Variants in NOL4 observed in about 807,000 individuals in gnomAD.
The protein encoded by NOL4 is nucleolar protein 4.
A neutral mutation model predicts 75.9 loss-of-function variants in NOL4; 17 were observed. The ratio of observed to expected loss-of-function variants is 0.22; its 90% CI spans 0.15 to 0.34. The LOEUF (loss-of-function observed/expected upper bound fraction) is 0.34, where lower values mean the gene tolerates loss of function less well. NOL4 is among the 10% of genes least tolerant of loss of function. NOL4 has a pLI of 1.00. For missense variants in NOL4, 614 were observed against 793.5 expected (o/e 0.77, Z 2.72); for synonymous variants, 292 against 289.9 (o/e 1.01, Z -0.07).
chr18:33,887,080 A>G (rs1301053000), intron 9 of NOL4, among the ~76,000 whole-genome samples: 4 of 140,452 alleles, frequency 2.8e-5, no homozygotes, highest in Non-Finnish European at 6.1e-5. Context: ...ATATATATCT[A>G]TATATATTAG....
intron 1 of NOL4, among the ~76,000 whole-genome samples, chr18:34,188,705 GA>G (rs1169853138): frequency 6.6e-6 from 1 of 152,114 alleles, no homozygotes; most frequent in Non-Finnish European, 1.5e-5. Flanking sequence ...ACTAAACCAG[GA>G]AAAGATCAAT....
At chr18:33,858,919 G>A (rs1195999567) in intron 10 of NOL4, among the ~76,000 whole-genome samples, 6 of 151,836 alleles carry the variant, frequency 4.0e-5, no homozygotes, top group Non-Finnish European at 1.5e-5. Context: ...GTAAAACATG[G>A]TCTAATATCT....
intron 5 of NOL4, among the ~76,000 whole-genome samples, chr18:34,077,605 C>G (rs1600503323): frequency 1.3e-5 from 2 of 151,898 alleles, no homozygotes; most frequent in East Asian, 3.9e-4. Context: ...GCAAGGACAA[C>G]AAAACAAACT....
At chr18:34,204,783 T>TA (rs768094423) in intron 1 of NOL4, among the ~76,000 whole-genome samples, 218 of 151,832 alleles carry the variant, frequency 1.4e-3, no homozygotes, top group Non-Finnish European at 9.7e-4. Context: ...CAATACTAAG[T>TA]AAAAAAGGAA....
At chr18:34,078,361 C>T (rs2077841437) in intron 5 of NOL4, among the ~76,000 whole-genome samples, 1 of 152,038 alleles carries the variant, frequency 6.6e-6, no homozygotes, top group African/African-American at 2.4e-5. Flanking sequence ...TGACTTTTCA[C>T]CTTTATTAGT....
chr18:34,034,779 G>C lies in NOL4; in HGVS notation c.773-15178C>G, dbSNP rs192402972. On this transcript the variant is annotated intron_variant, in intron 5 of 10. Coordinates refer to ENST00000261592, the MANE Select transcript of NOL4 (RefSeq NM_003787.5). ...AAAAGCAACAATAAACAATCCCAAA[G>C]TGAGCAGGAATAGCTATATTTACAT... 2.3e-3 allele frequency among the ~76,000 whole-genome samples: 317 copies of C among 140,272 alleles called. 6 individuals are homozygous for C. Among genetic ancestry groups the C allele is most frequent in the African/African-American group, 8.0e-3 (295 of 37,106 alleles). The allele number at this position is 140,272 out of a possible 152,430, so 92.0% of individuals were successfully genotyped here. A position where few individuals can be genotyped will look rare whatever the true frequency, so the allele number is the denominator to read the frequency against.
At chr18:33,964,993 G>A (rs2070461720) in intron 6 of NOL4, among the ~76,000 whole-genome samples, 1 of 152,106 alleles carries the variant, frequency 6.6e-6, no homozygotes. Context: ...CCCAAAGCAA[G>A]AGACATTTTT....
intron 1 of NOL4, among the ~76,000 whole-genome samples, chr18:34,167,894 GACT>G (rs1199742273): frequency 2.0e-5 from 3 of 151,980 alleles, no homozygotes; most frequent in African/African-American, 7.2e-5. Context: ...ATATAAAAAT[GACT>G]ACATTTTCGA....
rs748692663 is a variant in NOL4 at position 34,130,014 on chromosome 18, C to A, written c.271G>T (p.Val91Leu). 6.4e-7 allele frequency: 1 copy of A among 1,558,088 alleles called. No homozygotes were observed. The stretch of plus-strand genomic sequence containing the variant: ...AAAGATAGCTTCTCATCTACCCCTA[C>A]GCCATCCTGGAAACAAAACAACAAC... ...LYVPVKTTDG[V>L]GVDEKLSLRR... Residue 91 changes from valine to leucine, a missense_variant, in exon 2 of 11, where the codon GTA (valine) becomes TTA (leucine). Physicochemically the swap from Val to Leu is conservative, Grantham distance 32. This residue lies in a region of NOL4 where 49 missense variants were observed against 39.6 expected (regional missense o/e 1.24). Transcript: ENST00000261592.
At chr18:34,214,328 A>G (rs757785518) in intron 1 of NOL4, among the ~76,000 whole-genome samples, 16 of 152,152 alleles carry the variant, frequency 1.1e-4, no homozygotes, top group Non-Finnish European at 2.1e-4. Context: ...TAATGGGTTA[A>G]GTATTGGTAG....
At chr18:34,149,999 C>A (rs1051469781) in intron 1 of NOL4, among the ~76,000 whole-genome samples, 4 of 151,570 alleles carry the variant, frequency 2.6e-5, no homozygotes, top group African/African-American at 9.7e-5. Flanking sequence ...GGCAGACTAT[C>A]GTATTCCTCT....
At chr18:34,202,028 T>G (rs1006496489) in intron 1 of NOL4, among the ~76,000 whole-genome samples, 1 of 151,850 alleles carries the variant, frequency 6.6e-6, no homozygotes, top group African/African-American at 2.4e-5. Context: ...TTTGGAACAT[T>G]AAAAATGTTA....
At chr18:34,052,680 A>G (rs1219142468) in intron 5 of NOL4, among the ~76,000 whole-genome samples, 2 of 152,094 alleles carry the variant, frequency 1.3e-5, no homozygotes, top group Non-Finnish European at 2.9e-5. Flanking sequence ...CTCATGGTCT[A>G]GTATTATAGT....
At chr18:34,125,760 AG>A (rs2080356373) in intron 2 of NOL4, among the ~76,000 whole-genome samples, 1 of 152,160 alleles carries the variant, frequency 6.6e-6, no homozygotes, top group Admixed American at 6.5e-5. Context: ...TTTTAAAAAA[AG>A]AGACAATTTT....
chr18:34,030,929 T>C (rs2075608928), intron 5 of NOL4, among the ~76,000 whole-genome samples: 1 of 102,256 alleles, frequency 9.8e-6, no homozygotes, highest in Non-Finnish European at 2.5e-5. Flanking sequence ...AATCAAAATA[T>C]GTAAAAAAAT....
chr18:34,200,773 G>A (rs1409719226), intron 1 of NOL4, among the ~76,000 whole-genome samples: 1 of 151,702 alleles, frequency 6.6e-6, no homozygotes, highest in African/African-American at 2.4e-5. Flanking sequence ...AATAAGAAAT[G>A]TATTGTTGAA....
intron 2 of NOL4, among the ~76,000 whole-genome samples, chr18:34,120,057 T>C (rs1320438375): frequency 6.6e-6 from 1 of 152,242 alleles, no homozygotes; most frequent in Non-Finnish European, 1.5e-5. Context: ...TATAACTGGT[T>C]ATCCTGTGTG....
At chr18:34,194,103 A>C (rs1245881880) in intron 1 of NOL4, among the ~76,000 whole-genome samples, 1 of 152,164 alleles carries the variant, frequency 6.6e-6, no homozygotes, top group Non-Finnish European at 1.5e-5. Flanking sequence ...ATGTTGGCTA[A>C]AGGATACAAA....
intron 6 of NOL4, among the ~76,000 whole-genome samples, chr18:34,008,240 C>T (rs2146298503): frequency 6.6e-6 from 1 of 152,068 alleles, no homozygotes; most frequent in East Asian, 2.0e-4. Flanking sequence ...GTTATCAGGC[C>T]TTCAGGCTTA....
Sources: allele counts gnomAD v4.1 joint callset (sites outside exome capture counted in the v4.1 genomes callset), GRCh38; gene constraint gnomAD v4.1.1; regional missense constraint gnomAD v4.1.1; transcripts MANE v1.5; gene names NCBI Gene and HGNC (gene_info 2026-07-23, HGNC 2026-07-21).